Variants in RSPO3 observed in about 807,000 individuals in gnomAD.
RSPO3 encodes the protein R-spondin 3, also known as R-spondin-3.
A neutral mutation model predicts 36.5 loss-of-function variants in RSPO3; 17 were observed. The observed-to-expected ratio is 0.47, with a 90% CI of 0.32 to 0.70. RSPO3 has a LOEUF of 0.70. Ranked by LOEUF, RSPO3 falls within the 30% of genes least tolerant of loss-of-function variation. The pLI, the probability that RSPO3 is intolerant of heterozygous loss-of-function variation, is 0.04. For missense variants in RSPO3, 294 were observed against 322.5 expected (o/e 0.91, Z 0.68); for synonymous variants, 108 against 107.0 (o/e 1.01, Z -0.06).
Position 127,197,852 on chromosome 6 carries a change from T to C in RSPO3, c.*1845T>C. ...CTAAATCTATTCCCAATGTATAAAA[T>C]AATTCTAATTCCATTTTCAGCTAAA... On this transcript the variant is annotated 3_prime_UTR_variant, in exon 5 of 5. Transcript: ENST00000356698. 5.1e-6 allele frequency: 1 copy of C among 195,696 alleles called. No individual in the cohort carries two copies. Among genetic ancestry groups the C allele is most frequent in the Middle Eastern group, 2.1e-3 (1 of 484 alleles). The allele number at this position is 195,696 out of a possible 1,614,324, so 12.1% of individuals were successfully genotyped here.
At chr6:127,166,048 T>C (rs548308165) in intron 4 of RSPO3, among the ~76,000 whole-genome samples, 1 of 152,116 alleles carries the variant, frequency 6.6e-6, no homozygotes, top group Admixed American at 6.6e-5. Context: ...GAAATAGACA[T>C]ATAAAAAATT....
At chr6:127,185,668 C>A (rs1422116931) in intron 4 of RSPO3, among the ~76,000 whole-genome samples, 1 of 152,048 alleles carries the variant, frequency 6.6e-6, no homozygotes, top group East Asian at 1.9e-4. Context: ...TTTTTCCCCA[C>A]ATGATGCAAT....
chr6:127,197,600 TC>T lies in RSPO3; in HGVS notation c.*1594del. 1 of 1,490,678 alleles carries T rather than the reference TC, an allele frequency of 6.7e-7. No individual in the cohort carries two copies. The highest frequency in any genetic ancestry group is 8.9e-7 in the Non-Finnish European group (1 of 1,117,756). The allele number at this position is 1,490,678 out of a possible 1,614,324, so 92.3% of individuals were successfully genotyped here. On this transcript the variant is annotated 3_prime_UTR_variant, in exon 5 of 5. Transcript: ENST00000356698. ...CTCTGTCCACTGTGATTCCTAGCCC[TC>T]TCAAGATCACTGCTTTCTGAAGAAT...
chr6:127,171,289 A>T (rs1011451160), intron 4 of RSPO3, among the ~76,000 whole-genome samples: 3 of 151,734 alleles, frequency 2.0e-5, no homozygotes, highest in Non-Finnish European at 3.0e-5. Context: ...AAGGAAAAAT[A>T]TATCAGTGTG....
chr6:127,162,847 G>A (rs1159460231), intron 4 of RSPO3, among the ~76,000 whole-genome samples: 3 of 152,126 alleles, frequency 2.0e-5, no homozygotes, highest in African/African-American at 7.2e-5. Context: ...ATTTGTTAAT[G>A]CTGGCAAAAA....
intron 1 of RSPO3, among the ~76,000 whole-genome samples, chr6:127,138,426 C>T (rs1243499714): frequency 6.6e-6 from 1 of 152,004 alleles, no homozygotes; most frequent in Non-Finnish European, 1.5e-5. Flanking sequence ...TTTCTGGTTC[C>T]CCAAGCTTCT....
chr6:127,142,417 G>T (rs1582792071), intron 1 of RSPO3, among the ~76,000 whole-genome samples: 1 of 152,268 alleles, frequency 6.6e-6, no homozygotes, highest in South Asian at 2.1e-4. Context: ...TTTTCTTAAA[G>T]TGATCGTTGC....
At chr6:127,182,402 C>T (rs377487648) in intron 4 of RSPO3, among the ~76,000 whole-genome samples, 1 of 151,802 alleles carries the variant, frequency 6.6e-6, no homozygotes, top group Non-Finnish European at 1.5e-5. Context: ...AAGCTCTTTA[C>T]CCCTTTAAAA....
chr6:127,138,245 T>C (rs372940965), intron 1 of RSPO3, among the ~76,000 whole-genome samples: 2 of 152,174 alleles, frequency 1.3e-5, no homozygotes, highest in African/African-American at 2.4e-5. Flanking sequence ...CGGTACCATA[T>C]TGATATCATT....
rs969738013 is a variant in RSPO3, at chr6:127,198,979, A to C, written c.*2972A>C. On this transcript the variant is annotated 3_prime_UTR_variant, in exon 5 of 5. Coordinates refer to ENST00000356698, the MANE Select transcript of RSPO3 (RefSeq NM_032784.5). ...TATTGAATTAAAAGCTGTTCACATT[A>C]GTGGTTATTAAATATTGAAATAACA... Among the ~76,000 whole-genome samples, 4 of 151,186 alleles carry C rather than the reference A, an allele frequency of 2.6e-5. No individual in the cohort carries two copies. The highest frequency in any genetic ancestry group is 5.9e-5 in the Non-Finnish European group (4 of 68,030).
At chr6:127,120,015 C>G in intron 1 of RSPO3, 1 of 152,458 alleles carries the variant, frequency 6.6e-6, no homozygotes. Context: ...GCGTCTGTAC[C>G]ATCTCTGGCC....
chr6:127,129,777 A>G (rs111330497), intron 1 of RSPO3, among the ~76,000 whole-genome samples: 162 of 152,190 alleles, frequency 1.1e-3, no homozygotes, highest in African/African-American at 3.8e-3. Flanking sequence ...GCCCACATAG[A>G]GAACTCCCAA....
intron 3 of RSPO3, among the ~76,000 whole-genome samples, chr6:127,151,848 A>T (rs1166230129): frequency 1.3e-5 from 2 of 152,038 alleles, no homozygotes; most frequent in African/African-American, 4.8e-5. Context: ...TCTTTTTCTT[A>T]TAGGTCCTGA....
intron 4 of RSPO3, among the ~76,000 whole-genome samples, chr6:127,156,904 TA>T (rs977879419): frequency 1.6e-4 from 25 of 152,184 alleles, no homozygotes; most frequent in African/African-American, 5.5e-4. Context: ...AAACATCCAT[TA>T]TGCCAAAAGA....
At chr6:127,184,141 T>C (rs1775243449) in intron 4 of RSPO3, among the ~76,000 whole-genome samples, 1 of 151,964 alleles carries the variant, frequency 6.6e-6, no homozygotes, top group Non-Finnish European at 1.5e-5. Flanking sequence ...GGAACTATAA[T>C]TCAAGGTAAG....
intron 4 of RSPO3, among the ~76,000 whole-genome samples, chr6:127,160,805 C>G (rs1774695784): frequency 6.6e-6 from 1 of 152,132 alleles, no homozygotes; most frequent in South Asian, 2.1e-4. Context: ...TGTCTGAACC[C>G]TGCCTCCAGA....
chr6:127,121,718 A>G (rs1199623828), intron 1 of RSPO3, among the ~76,000 whole-genome samples: 1 of 152,160 alleles, frequency 6.6e-6, no homozygotes, highest in Admixed American at 6.5e-5. Flanking sequence ...ACTCAGATAT[A>G]CCGTTTGTTT....
chr6:127,144,084 T>C (rs1582792938), intron 1 of RSPO3, among the ~76,000 whole-genome samples: 1 of 152,194 alleles, frequency 6.6e-6, no homozygotes, highest in East Asian at 1.9e-4. Flanking sequence ...ATGTTGACAG[T>C]TCAGACACTG....
chr6:127,120,353 G>C (rs1276374489), intron 1 of RSPO3, among the ~76,000 whole-genome samples: 1 of 152,184 alleles, frequency 6.6e-6, no homozygotes, highest in Non-Finnish European at 1.5e-5. Flanking sequence ...GGCGACCCTG[G>C]CTCTATGGTT....
Sources: allele counts gnomAD v4.1 joint callset (sites outside exome capture counted in the v4.1 genomes callset), GRCh38; gene constraint gnomAD v4.1.1; transcripts MANE v1.5; gene names NCBI Gene and HGNC (gene_info 2026-07-23, HGNC 2026-07-21).